The following IRF2 variants were observed in gnomAD, a reference collection of about 807,000 sequenced individuals.
IRF2 encodes the protein interferon regulatory factor 2.
IRF2 carries 15 observed loss-of-function variants against 40.6 expected under a neutral mutation model. That is an observed-to-expected ratio of 0.37 (90% CI 0.25 to 0.57). The LOEUF is 0.57. IRF2 is among the 20% of genes least tolerant of loss of function. IRF2 has a pLI of 0.77. For missense variants in IRF2, 317 were observed against 455.7 expected, an observed-to-expected ratio of 0.70 and a Z score of 2.77; for synonymous variants, 151 against 165.5, an observed-to-expected ratio of 0.91 and a Z score of 0.67.
intron 1 of IRF2, among the ~76,000 whole-genome samples, chr4:184,439,684 C>A (rs1313531401): frequency 6.6e-6 from 1 of 152,198 alleles, no homozygotes; most frequent in African/African-American, 2.4e-5. Context: ...ATTCTATGCA[C>A]AATTTTCCTA....
intron 1 of IRF2, among the ~76,000 whole-genome samples, chr4:184,444,606 C>A (rs1342408448): frequency 6.6e-6 from 1 of 152,154 alleles, no homozygotes; most frequent in African/African-American, 2.4e-5. Flanking sequence ...GCAAAACTAA[C>A]CCAAATACCA....
At chr4:184,431,342 T>A (rs60669785) in intron 1 of IRF2, among the ~76,000 whole-genome samples, 2 of 152,162 alleles carry the variant, frequency 1.3e-5, no homozygotes, top group Non-Finnish European at 2.9e-5. Flanking sequence ...AAAGATGACA[T>A]TCCCTGCCAT....
Position 184,429,039 on chromosome 4 carries a change from C to T in IRF2, c.26G>A (p.Arg9His). ...GTTTATCTGCTCCTCCAGCCACGGG[C>T]GCATGCGCATCCTTTCCACCGGCAT... is the stretch of plus-strand genomic sequence containing the variant. MPVERMRM[R>H]PWLEEQINSN... Residue 9 changes from arginine to histidine, a missense_variant, in exon 2 of 9, where the codon CGC (arginine) becomes CAC (histidine). By Grantham distance (29) the Arg-to-His change is conservative. Around this residue, in one of 2 missense-constraint regions of IRF2, gnomAD observed 55 missense variants for 121.7 expected, o/e 0.45. Transcript: ENST00000393593. 2 of 1,614,062 alleles carry T rather than the reference C, an allele frequency of 1.2e-6. No individual in the cohort carries two copies. Among genetic ancestry groups the T allele is most frequent in the Non-Finnish European group, 1.7e-6 (2 of 1,179,930 alleles).
chr4:184,453,450 C>T (rs2553530), intron 1 of IRF2, among the ~76,000 whole-genome samples: 151,237 of 152,384 alleles, frequency 0.99, 75,066 homozygotes, highest in Middle Eastern at 1. Flanking sequence ...ATATGGAAAA[C>T]GGGAAAAGAA....
chr4:184,428,927 G>A (rs376716963), intron 2 of IRF2, 51 bp downstream of exon 2: 6 of 1,391,770 alleles, frequency 4.3e-6, no homozygotes, highest in Middle Eastern at 1.8e-4. Context: ...CCGCATGGGC[G>A]TGTTTCAGCC....
In IRF2 at chr4:184,413,598, AC is replaced by A. The variant is rs1455424466; in HGVS notation, c.411+4568del. On this transcript the variant is annotated intron_variant, in intron 5 of 8. Coordinates refer to ENST00000393593, the MANE Select transcript of IRF2 (RefSeq NM_002199.4). The surrounding 1 kb of genome is among the most constrained non-coding windows in gnomAD (Gnocchi z 4.2). ...CAGCTCTATGAGAAAGAGCAGCCGA[AC>A]CCCTATCTGCTTTTCTGTAACTTCT... Among the ~76,000 whole-genome samples the A allele has an allele frequency of 6.6e-6, 1 of 152,202 alleles. No homozygotes were observed. The highest frequency in any genetic ancestry group is 2.4e-5 in the African/African-American group (1 of 41,440).
chr4:184,463,823 T>C (rs1390532582), intron 1 of IRF2, among the ~76,000 whole-genome samples: 1 of 152,164 alleles, frequency 6.6e-6, no homozygotes, highest in South Asian at 2.1e-4. Context: ...GGTCTTCAGT[T>C]TGAAAAGTCA....
At position 184,428,345 on chromosome 4, in the gene IRF2, C is replaced by CA. The variant is rs546507905; in HGVS notation, c.87+632dup. 3.8e-4 allele frequency among the ~76,000 whole-genome samples: 57 copies of CA among 151,052 alleles called. No individual in the cohort carries two copies. The South Asian group carries it at 6.9e-3, about 18-fold the overall frequency. ...TCTAGTCCTAAAAGGCCAGGAGAAG[C>CA]AAAAAAAAGGAATTTGGAGAAGGAA... On this transcript the variant is annotated intron_variant, in intron 2 of 8. Transcript: ENST00000393593.
At chr4:184,414,492 C>A (rs1737191055) in intron 5 of IRF2, among the ~76,000 whole-genome samples, 1 of 152,214 alleles carries the variant, frequency 6.6e-6, no homozygotes, top group Non-Finnish European at 1.5e-5. Context: ...AGGCATGTAC[C>A]ACTGTACCCA....
chr4:184,443,565 T>G (rs1738392039), intron 1 of IRF2, among the ~76,000 whole-genome samples: 1 of 152,148 alleles, frequency 6.6e-6, no homozygotes, highest in African/African-American at 2.4e-5. Context: ...TATGGCTGCA[T>G]AGTATTCCAT....
At chr4:184,406,088 T>C (rs1736843224) in intron 6 of IRF2, among the ~76,000 whole-genome samples, 1 of 152,066 alleles carries the variant, frequency 6.6e-6, no homozygotes, top group Non-Finnish European at 1.5e-5. Flanking sequence ...GTGGATAAAA[T>C]CGAATGCCTT....
intron 1 of IRF2, among the ~76,000 whole-genome samples, chr4:184,445,654 C>CAAAAAAA (rs386683242): frequency 1.7e-5 from 2 of 120,886 alleles, no homozygotes; most frequent in African/African-American, 3.7e-5. Context: ...GACTCCATCA[C>CAAAAAAA]AAAAAAAAAA....
chr4:184,445,810 T>C (rs1342853903), intron 1 of IRF2, among the ~76,000 whole-genome samples: 1 of 152,202 alleles, frequency 6.6e-6, no homozygotes, highest in Non-Finnish European at 1.5e-5. Context: ...AAAGAAGATG[T>C]ACTGGGTTGA....
At chr4:184,472,270 G>A (rs1202546567) in intron 1 of IRF2, 1 of 152,204 alleles carries the variant, frequency 6.6e-6, no homozygotes, top group African/African-American at 2.4e-5. Flanking sequence ...TCCTGAATCT[G>A]CGTGCGTGGT....
At chr4:184,449,822 C>G (rs1042895787) in intron 1 of IRF2, among the ~76,000 whole-genome samples, 1 of 152,160 alleles carries the variant, frequency 6.6e-6, no homozygotes, top group African/African-American at 2.4e-5. Flanking sequence ...ACTGCGCTGG[C>G]CGTTACCAAG....
chr4:184,426,982 T>G (rs974324879), intron 2 of IRF2, among the ~76,000 whole-genome samples: 1 of 152,230 alleles, frequency 6.6e-6, no homozygotes, highest in Non-Finnish European at 1.5e-5. Flanking sequence ...AGCTAATGCA[T>G]GTACCTTGCT....
chr4:184,413,262 C>G lies in IRF2; in HGVS notation c.411+4905G>C, dbSNP rs1737141213. Reference sequence around the variant, plus strand: ...ATTCCCGCCTGCTCTAAGTGTGCTACAAGGAGTTCAACTGTGTCTCATTCC... The same window carrying G: ...ATTCCCGCCTGCTCTAAGTGTGCTAGAAGGAGTTCAACTGTGTCTCATTCC... On this transcript the variant is annotated intron_variant, in intron 5 of 8. Transcript: ENST00000393593. The surrounding 1 kb of genome is among the most constrained non-coding windows in gnomAD (Gnocchi z 4.2). Among the ~76,000 whole-genome samples, 1 of 152,182 alleles carries G rather than the reference C, an allele frequency of 6.6e-6. No homozygotes were observed. The highest frequency in any genetic ancestry group is 2.4e-5 in the African/African-American group (1 of 41,454).
chr4:184,411,797 G>A (rs1472156496), intron 5 of IRF2, among the ~76,000 whole-genome samples: 1 of 151,770 alleles, frequency 6.6e-6, no homozygotes, highest in Non-Finnish European at 1.5e-5. Flanking sequence ...AACACTCTTC[G>A]CCCGAAGCCT....
intron 1 of IRF2, among the ~76,000 whole-genome samples, chr4:184,438,622 G>A (rs1218223661): frequency 7.2e-5 from 11 of 152,196 alleles, no homozygotes; most frequent in Admixed American, 7.2e-4. Context: ...GTAGAATGCA[G>A]AAGAGGATAT....
Sources: gnomAD v4.1 joint callset for allele counts (sites outside exome capture counted in the v4.1 genomes callset) on GRCh38, gnomAD v4.1.1 for gene constraint, gnomAD v4.1.1 regional missense constraint, Gnocchi (gnomAD v3.1) non-coding constraint, MANE v1.5 for transcripts, NCBI Gene and HGNC (gene_info 2026-07-23, HGNC 2026-07-21) for gene names.